Variants in PRSS23 observed in about 807,000 individuals in gnomAD.
PRSS23 encodes the protein protease, serine 23.
In PRSS23, 25 loss-of-function variants were observed where a neutral mutation model predicts 34.7. That is an observed-to-expected ratio of 0.72 (90% CI 0.53 to 1.01). The LOEUF is 1.01. Among genes scored for constraint, PRSS23 ranks in the 50% least tolerant of loss-of-function variants. PRSS23 has a pLI of 0.00. For missense variants in PRSS23, 445 were observed against 475.6 expected (o/e 0.94, Z 0.60); for synonymous variants, 176 against 186.6 (o/e 0.94, Z 0.46).
chr11:86,931,596 G>GA (rs1438156162), intron 2 of PRSS23, among the ~76,000 whole-genome samples: 1 of 152,122 alleles, frequency 6.6e-6, no homozygotes, highest in Non-Finnish European at 1.5e-5. Flanking sequence ...TGACTGGAAA[G>GA]AAAAAAATGA....
intron 1 of PRSS23, among the ~76,000 whole-genome samples, chr11:86,803,461 G>C (rs1176030834): frequency 1.3e-5 from 2 of 152,208 alleles, no homozygotes; most frequent in Non-Finnish European, 2.9e-5. Context: ...GGTTTATACA[G>C]ATGGTAACAA....
At chr11:86,801,309 A>G (rs1312389882) in intron 1 of PRSS23, among the ~76,000 whole-genome samples, 1 of 152,204 alleles carries the variant, frequency 6.6e-6, no homozygotes, top group East Asian at 1.9e-4. Flanking sequence ...TTTTAAATAA[A>G]AGTTTTAAAG....
intron 2 of PRSS23, among the ~76,000 whole-genome samples, chr11:86,848,504 C>G (rs1948504738): frequency 6.6e-6 from 1 of 152,194 alleles, no homozygotes; most frequent in African/African-American, 2.4e-5. Flanking sequence ...AGCCTATGAA[C>G]TACTCAATGC....
intron 2 of PRSS23, among the ~76,000 whole-genome samples, chr11:86,886,844 C>T (rs963046960): frequency 1.3e-5 from 2 of 152,238 alleles, no homozygotes; most frequent in East Asian, 1.9e-4. Flanking sequence ...GAGGCTGAGG[C>T]AGGAGAATTG....
Position 86,939,426 on chromosome 11 carries a change from A to ATATATATATATTTTTT in PRSS23, c.207-11789_207-11788insATATATATATTTTTTT. Among the ~76,000 whole-genome samples the ATATATATATATTTTTT allele has an allele frequency of 2.0e-3, 185 of 93,988 alleles. 1 individual carries two copies. The highest frequency in any genetic ancestry group is 3.6e-3 in the East Asian group (12 of 3,378). 61.7% of individuals were successfully genotyped at this position (93,988 alleles called of 152,430 possible). A position where few individuals can be genotyped will look rare whatever the true frequency, so the allele number is the denominator to read the frequency against. ...AAAATATATATATATATATATATATATTTTTTAACATGAGTAAAAATTGCA... is the reference window on the plus strand; with the variant it reads ...AAAATATATATATATATATATATATATATATATATATTTTTTTTTTTTAACATGAGTAAAAATTGCA... On this transcript the variant is annotated intron_variant, in intron 2 of 2. Coordinates refer to the PRSS23 transcript ENST00000533902.
chr11:86,820,044 C>T (rs1948241723), intron 1 of PRSS23, among the ~76,000 whole-genome samples: 1 of 152,150 alleles, frequency 6.6e-6, no homozygotes, highest in South Asian at 2.1e-4. Context: ...TTCATCAACA[C>T]CCTTGGAACC....
intron 2 of PRSS23, among the ~76,000 whole-genome samples, chr11:86,944,485 T>C (rs192364813): frequency 6.6e-6 from 1 of 152,280 alleles, no homozygotes; most frequent in African/African-American, 2.4e-5. Flanking sequence ...AACCCTGAGT[T>C]GGGCATGGGA....
chr11:86,856,662 A>G (rs936409641), intron 2 of PRSS23, among the ~76,000 whole-genome samples: 1 of 152,236 alleles, frequency 6.6e-6, no homozygotes, highest in Admixed American at 6.5e-5. Flanking sequence ...CACTATAACT[A>G]AACAACCTTA....
At chr11:86,862,197 A>G (rs1057174687) in intron 2 of PRSS23, among the ~76,000 whole-genome samples, 1 of 151,986 alleles carries the variant, frequency 6.6e-6, no homozygotes, top group Non-Finnish European at 1.5e-5. Context: ...TATTAGAAGT[A>G]ATATCCTCGG....
At chr11:86,846,930 G>A (rs1166005159) in intron 2 of PRSS23, among the ~76,000 whole-genome samples, 7 of 152,188 alleles carry the variant, frequency 4.6e-5, no homozygotes, top group Admixed American at 3.9e-4. Flanking sequence ...AGAAGCCTTA[G>A]GGCATTTCCT....
intron 2 of PRSS23, among the ~76,000 whole-genome samples, chr11:86,840,643 T>G (rs1187194557): frequency 6.6e-6 from 1 of 152,172 alleles, no homozygotes; most frequent in East Asian, 1.9e-4. Flanking sequence ...CTACCCCAAA[T>G]CAACAGAATA....
At chr11:86,869,538 T>C (rs1248703004) in intron 2 of PRSS23, among the ~76,000 whole-genome samples, 1 of 152,050 alleles carries the variant, frequency 6.6e-6, no homozygotes, top group Non-Finnish European at 1.5e-5. Flanking sequence ...GAAATGGCAT[T>C]GTTCCCAGGG....
At chr11:86,815,976 C>T, downstream of PRSS23, among the ~76,000 whole-genome samples, 1 of 152,108 alleles carries the variant, frequency 6.6e-6, no homozygotes, top group East Asian at 1.9e-4. Context: ...CTGATCAGGC[C>T]CCTCCCCTAT....
At chr11:86,866,509 A>T (rs1286458394) in intron 2 of PRSS23, among the ~76,000 whole-genome samples, 1 of 152,222 alleles carries the variant, frequency 6.6e-6, no homozygotes, top group Non-Finnish European at 1.5e-5. Flanking sequence ...TTCATCATCT[A>T]TTCATTCATG....
At chr11:86,818,535 C>G (rs1948230492) in intron 1 of PRSS23, among the ~76,000 whole-genome samples, 1 of 152,108 alleles carries the variant, frequency 6.6e-6, no homozygotes, top group South Asian at 2.1e-4. Flanking sequence ...TGAAATATCA[C>G]CTTGTTCTGT....
At chr11:86,938,936 T>A (rs996594034) in intron 2 of PRSS23, 7 of 400,870 alleles carry the variant, frequency 1.7e-5, no homozygotes, top group Non-Finnish European at 3.4e-5. Context: ...TGCTTCTCCA[T>A]TAAAAGATAG....
chr11:86,918,955 T>TG (rs1949031119), intron 2 of PRSS23, among the ~76,000 whole-genome samples: 1 of 152,162 alleles, frequency 6.6e-6, no homozygotes, highest in South Asian at 2.1e-4. Flanking sequence ...AAGGGCCTAG[T>TG]GGGAGTCAGG....
chr11:86,834,566 TC>T (rs1418293097), intron 2 of PRSS23, among the ~76,000 whole-genome samples: 1 of 113,480 alleles, frequency 8.8e-6, no homozygotes, highest in Non-Finnish European at 1.8e-5. Flanking sequence ...TCCTTTCCTT[TC>T]CTTTCCTTTC....
exon 3 of PRSS23, chr11:86,952,553 A>G: frequency 6.7e-7 from 1 of 1,488,112 alleles, no homozygotes; most frequent in Non-Finnish European, 9.2e-7. Context: ...GCTGAGTTGA[A>G]TGCTTCCAGG....
Sources: allele counts gnomAD v4.1 joint callset (sites outside exome capture counted in the v4.1 genomes callset), GRCh38; gene constraint gnomAD v4.1.1; transcripts MANE v1.5; gene names NCBI Gene and HGNC (gene_info 2026-07-23, HGNC 2026-07-21).